The following CEP15 variants were observed in gnomAD, a reference collection of about 807,000 sequenced individuals.
CEP15 encodes the protein centrosomal protein 15, also known as centrosomal protein 15 kDa.
At chr3:62,322,604 T>A in the CEP15 span, 5 of 152,352 alleles carry the variant, frequency 3.3e-5, no homozygotes, top group Non-Finnish European at 7.3e-5. The surrounding 1 kb of genome is among the most constrained non-coding windows in gnomAD (Gnocchi z 5.5). Flanking sequence ...AATGTGCCCA[T>A]TTGGAGTAGA....
chr3:62,327,933 C>G, the CEP15 span, among the ~76,000 whole-genome samples: 1 of 152,116 alleles, frequency 6.6e-6, no homozygotes, highest in African/African-American at 2.4e-5. Flanking sequence ...TATGGGGAAG[C>G]CTCTTCAAGT....
chr3:62,325,781 C>T, the CEP15 span, among the ~76,000 whole-genome samples: 2 of 152,098 alleles, frequency 1.3e-5, no homozygotes, highest in Non-Finnish European at 2.9e-5. Flanking sequence ...CGCCTGTAAT[C>T]CCAGCACTTT....
At chr3:62,330,607 A>G in the CEP15 span, among the ~76,000 whole-genome samples, 2 of 152,306 alleles carry the variant, frequency 1.3e-5, no homozygotes, top group South Asian at 4.1e-4. Context: ...GAAAATACAC[A>G]TATGTACAAG....
chr3:62,319,330 G>A, the CEP15 span: 1 of 152,220 alleles, frequency 6.6e-6, no homozygotes, highest in African/African-American at 2.4e-5. Context: ...CGACTTTCCG[G>A]GATTCCCTTG....
the CEP15 span, chr3:62,322,151 C>G: frequency 7.9e-7 from 1 of 1,259,950 alleles, no homozygotes; most frequent in Non-Finnish European, 1.1e-6. The surrounding 1 kb of genome is among the most constrained non-coding windows in gnomAD (Gnocchi z 5.5). Flanking sequence ...TATTGGTTCT[C>G]AGTAATAAGT....
At chr3:62,319,621 T>C in the CEP15 span, 1 of 152,220 alleles carries the variant, frequency 6.6e-6, no homozygotes, top group South Asian at 2.1e-4. Flanking sequence ...GGTGTGTCAA[T>C]CTTTAGACAA....
chr3:62,330,969 A>G, the CEP15 span, among the ~76,000 whole-genome samples: 3 of 151,852 alleles, frequency 2.0e-5, no homozygotes, highest in East Asian at 1.9e-4. Flanking sequence ...TTATTATTTT[A>G]TCATCTTTCT....
chr3:62,323,813 G>A, the CEP15 span: 1 of 152,076 alleles, frequency 6.6e-6, no homozygotes, highest in African/African-American at 2.4e-5. Flanking sequence ...ATTTTTTAAA[G>A]TGTAAAGTAG....
chr3:62,333,997 T>C, the CEP15 span: 1 of 152,058 alleles, frequency 6.6e-6, no homozygotes, highest in African/African-American at 2.4e-5. This position sits in a 1 kb window ranked among gnomAD's most constrained non-coding sequence, Gnocchi z 4.0. Flanking sequence ...GACTCAGACT[T>C]GGTTTTGAAA....
At chr3:62,330,700 T>C in the CEP15 span, among the ~76,000 whole-genome samples, 2 of 152,290 alleles carry the variant, frequency 1.3e-5, no homozygotes, top group African/African-American at 2.4e-5. Flanking sequence ...CTATTGAAAT[T>C]AGCTTAGAAA....
the CEP15 span, among the ~76,000 whole-genome samples, chr3:62,329,472 A>C: frequency 2.0e-5 from 3 of 152,226 alleles, no homozygotes; most frequent in African/African-American, 4.8e-5. Flanking sequence ...ACACTTAGGA[A>C]CAAGGAGAGA....
At chr3:62,327,726 A>G in the CEP15 span, among the ~76,000 whole-genome samples, 1 of 152,222 alleles carries the variant, frequency 6.6e-6, no homozygotes. Flanking sequence ...ACTGAAGTAC[A>G]TACAGTTCAT....
the CEP15 span, among the ~76,000 whole-genome samples, chr3:62,332,175 A>C: frequency 6.6e-6 from 1 of 152,232 alleles, no homozygotes; most frequent in South Asian, 2.1e-4. Context: ...TTACTCTGGC[A>C]TATACAGGAC....
chr3:62,336,165 T>C, the CEP15 span: 2 of 152,290 alleles, frequency 1.3e-5, no homozygotes, highest in East Asian at 3.9e-4. This position sits in a 1 kb window ranked among gnomAD's most constrained non-coding sequence, Gnocchi z 4.4. Context: ...ATAAAGTGAA[T>C]ATGTGTGCAT....
At chr3:62,331,336 A>G in the CEP15 span, 1 of 1,612,988 alleles carries the variant, frequency 6.2e-7, no homozygotes, top group Non-Finnish European at 8.5e-7. Context: ...ATATAGAAGC[A>G]GCAGAAAAGT....
the CEP15 span, chr3:62,334,221 A>G: frequency 1.3e-5 from 2 of 150,014 alleles, no homozygotes; most frequent in African/African-American, 4.9e-5. This position sits in a 1 kb window ranked among gnomAD's most constrained non-coding sequence, Gnocchi z 4.9. Flanking sequence ...TCAGTCCACC[A>G]CTGCTTGAGC....
chr3:62,326,675 A>G, the CEP15 span, among the ~76,000 whole-genome samples: 1 of 152,214 alleles, frequency 6.6e-6, no homozygotes, highest in African/African-American at 2.4e-5. Flanking sequence ...TATATAGAAG[A>G]GGGAATGGAA....
At chr3:62,328,558 A>G in the CEP15 span, among the ~76,000 whole-genome samples, 1 of 152,172 alleles carries the variant, frequency 6.6e-6, no homozygotes, top group African/African-American at 2.4e-5. Context: ...ATAAAATTTT[A>G]AATGTTCTAG....
At chr3:62,322,264 C>T in the CEP15 span, 3 of 453,176 alleles carry the variant, frequency 6.6e-6, no homozygotes, top group East Asian at 8.9e-5. This position sits in a 1 kb window ranked among gnomAD's most constrained non-coding sequence, Gnocchi z 5.5. Context: ...TTTGCTTAAG[C>T]TAAATGTTTG....
Sources: allele counts gnomAD v4.1 joint callset (sites outside exome capture counted in the v4.1 genomes callset), GRCh38; gene constraint gnomAD v4.1.1; non-coding constraint Gnocchi (gnomAD v3.1); transcripts MANE v1.5; gene names NCBI Gene and HGNC (gene_info 2026-07-23, HGNC 2026-07-21).